The following DSCAM variants were observed in gnomAD, a reference collection of about 807,000 sequenced individuals.
DSCAM encodes the protein DS cell adhesion molecule, also known as cell adhesion molecule DSCAM.
In DSCAM, 47 loss-of-function variants were observed where a neutral mutation model predicts 217.7. The observed-to-expected ratio is 0.22, with a 90% confidence interval of 0.17 to 0.28. The LOEUF (loss-of-function observed/expected upper bound fraction) is 0.28. Among genes scored for constraint, DSCAM ranks in the 10% least tolerant of loss-of-function variants. The pLI, the probability that DSCAM is intolerant of heterozygous loss-of-function variation, is 1.00. For synonymous variants in DSCAM, 1,056 were observed against 1,015.3 expected (o/e 1.04, Z -0.76); for missense variants, 2,080 against 2,618.3 (o/e 0.79, Z 4.49).
At chr21:40,143,447 T>C (rs931613646) in intron 17 of DSCAM, among the ~76,000 whole-genome samples, 1 of 152,178 alleles carries the variant, frequency 6.6e-6, no homozygotes. Context: ...ACTCCTCTCC[T>C]CGCAAAAATT....
intron 1 of DSCAM, among the ~76,000 whole-genome samples, chr21:40,818,547 CAAAAAAAAAAAAAAAAAAAAAAAAA>C (rs60730859): frequency 2.4e-4 from 10 of 41,854 alleles, no homozygotes; most frequent in South Asian, 1.5e-3. Context: ...CTCCGTCTCA[CAAAAAAAAAAAAAAAAAAAAAAAAA>C]AAAAAAAAAA....
chr21:40,716,531 G>T (rs914846768), intron 1 of DSCAM, among the ~76,000 whole-genome samples: 6 of 152,194 alleles, frequency 3.9e-5, no homozygotes, highest in Non-Finnish European at 7.3e-5. Flanking sequence ...GGACCTTGGA[G>T]AATTGTTTCT....
At chr21:40,611,046 A>G (rs1219073355) in intron 3 of DSCAM, among the ~76,000 whole-genome samples, 5 of 147,824 alleles carry the variant, frequency 3.4e-5, no homozygotes, top group African/African-American at 9.9e-5. Context: ...AACAGGTGAA[A>G]TTAGTTTTCA....
chr21:40,546,945 A>G (rs978343039), intron 3 of DSCAM, among the ~76,000 whole-genome samples: 6 of 152,034 alleles, frequency 3.9e-5, no homozygotes, highest in African/African-American at 1.4e-4. Flanking sequence ...TCCTTTCTAA[A>G]GGCTGATACC....
Position 40,375,915 on chromosome 21 carries a change from T to C in DSCAM, c.509-6670A>G, listed in dbSNP as rs545839757. On this transcript the variant is annotated intron_variant, in intron 3 of 32. Coordinates refer to ENST00000400454, the MANE Select transcript of DSCAM (RefSeq NM_001389.5). The stretch of plus-strand genomic sequence containing the variant: ...TTCTCCTCCAGAGATGAATATATTC[T>C]TATATGAAAATGAGCATATTTTAAG... Among the ~76,000 whole-genome samples the C allele has an allele frequency of 2.0e-5, 3 of 152,348 alleles. No individual in the cohort carries two copies. The South Asian group carries it at 6.2e-4, about 32-fold the overall frequency.
intron 3 of DSCAM, among the ~76,000 whole-genome samples, chr21:40,453,357 T>A (rs1454460136): frequency 6.6e-6 from 1 of 152,154 alleles, no homozygotes; most frequent in Non-Finnish European, 1.5e-5. Context: ...CCATGGTATG[T>A]CACACTAGGA....
intron 1 of DSCAM, among the ~76,000 whole-genome samples, chr21:40,833,483 G>T (rs750964986): frequency 7.9e-5 from 12 of 152,150 alleles, no homozygotes; most frequent in Non-Finnish European, 1.8e-4. Context: ...TAGCACACAG[G>T]ATTAATCACA....
At chr21:40,660,330 G>C (rs767009800) in intron 3 of DSCAM, among the ~76,000 whole-genome samples, 2 of 152,194 alleles carry the variant, frequency 1.3e-5, no homozygotes, top group African/African-American at 2.4e-5. Context: ...AGGAGGGAGA[G>C]AGGTAGGGAG....
chr21:40,217,574 C>G (rs527276048), intron 11 of DSCAM, among the ~76,000 whole-genome samples: 1 of 152,150 alleles, frequency 6.6e-6, no homozygotes, highest in African/African-American at 2.4e-5. Flanking sequence ...TGACTCTCCC[C>G]ACTCAAGTCT....
intron 3 of DSCAM, among the ~76,000 whole-genome samples, chr21:40,456,421 T>C (rs1048780889): frequency 3.9e-5 from 6 of 152,058 alleles, no homozygotes; most frequent in African/African-American, 1.4e-4. Context: ...AAACAAAATG[T>C]TATACCCAGG....
At chr21:40,567,348 G>T (rs904920681) in intron 3 of DSCAM, among the ~76,000 whole-genome samples, 2 of 152,160 alleles carry the variant, frequency 1.3e-5, no homozygotes, top group African/African-American at 4.8e-5. Context: ...TTGCTAAGAC[G>T]AAGGAAATGG....
At chr21:40,339,898 A>T (rs1406727282) in intron 6 of DSCAM, among the ~76,000 whole-genome samples, 1 of 62,748 alleles carries the variant, frequency 1.6e-5, no homozygotes, top group Non-Finnish European at 4.1e-5. Flanking sequence ...GGGTTTTCTC[A>T]CTAGGGAATT....
rs374692802 is a variant in DSCAM, at chr21:40,536,096, G to GT, written c.508+156713dup. On this transcript the variant is annotated intron_variant, in intron 3 of 32. Transcript: ENST00000400454. Reference sequence around the variant, plus strand: ...GGTGAACCTCATGCCTTTAATAAACGTAAGTGTCCAACATTCAGCCAGCAA... The same window carrying GT: ...GGTGAACCTCATGCCTTTAATAAACGTTAAGTGTCCAACATTCAGCCAGCAA... Among the ~76,000 whole-genome samples, 115 of 152,280 alleles carry GT rather than the reference G, an allele frequency of 7.6e-4. 1 individual carries two copies. The South Asian group carries it at 0.015, about 19-fold the overall frequency.
At chr21:40,349,631 A>C (rs1427349154) in intron 5 of DSCAM, among the ~76,000 whole-genome samples, 1 of 152,226 alleles carries the variant, frequency 6.6e-6, no homozygotes, top group Non-Finnish European at 1.5e-5. Context: ...TTTTTGTGTT[A>C]TCTCTATTTT....
At chr21:40,603,136 T>C (rs2077074883) in intron 3 of DSCAM, among the ~76,000 whole-genome samples, 1 of 152,148 alleles carries the variant, frequency 6.6e-6, no homozygotes, top group Non-Finnish European at 1.5e-5. Context: ...TGCAGCTGTC[T>C]TTATGTTATT....
intron 1 of DSCAM, among the ~76,000 whole-genome samples, chr21:40,716,239 C>T (rs992940855): frequency 9.9e-5 from 15 of 152,164 alleles, no homozygotes; most frequent in African/African-American, 3.6e-4. Context: ...AAACTATATT[C>T]CAACAGCTTT....
intron 3 of DSCAM, among the ~76,000 whole-genome samples, chr21:40,415,012 G>C (rs1222397636): frequency 6.6e-6 from 1 of 152,002 alleles, no homozygotes; most frequent in African/African-American, 2.4e-5. Flanking sequence ...ACATTTTCCA[G>C]GATCAAAGCT....
At chr21:40,561,849 T>A (rs1241181914) in intron 3 of DSCAM, among the ~76,000 whole-genome samples, 3 of 152,188 alleles carry the variant, frequency 2.0e-5, no homozygotes, top group Non-Finnish European at 4.4e-5. Flanking sequence ...GCAAAAATAC[T>A]AAGGCAGCCT....
intron 11 of DSCAM, among the ~76,000 whole-genome samples, chr21:40,199,206 T>A (rs1025864160): frequency 9.2e-5 from 14 of 152,158 alleles, no homozygotes; most frequent in South Asian, 6.2e-4. Context: ...ACTCAATACA[T>A]CACGATTATC....
Sources: gnomAD v4.1 joint callset for allele counts (sites outside exome capture counted in the v4.1 genomes callset) on GRCh38, gnomAD v4.1.1 for gene constraint, MANE v1.5 for transcripts, NCBI Gene and HGNC (gene_info 2026-07-23, HGNC 2026-07-21) for gene names.